The following TEAD1 variants were observed in gnomAD, a reference collection of about 807,000 sequenced individuals.
TEAD1 encodes the protein transcriptional enhancer factor TEF-1.
Under a neutral mutation model 54.9 loss-of-function variants are expected in TEAD1, and 9 were observed. The observed-to-expected ratio is 0.16, with a 90% confidence interval of 0.10 to 0.29. The LOEUF is 0.29. Ranked by LOEUF, TEAD1 falls within the 10% of genes least tolerant of loss-of-function variation. TEAD1 has a pLI of 1.00. For missense variants in TEAD1, 387 were observed against 535.9 expected (o/e 0.72, Z 2.74); for synonymous variants, 200 against 187.8 (o/e 1.07, Z -0.53).
chr11:12,675,082 C>T (rs1182041309), intron 1 of TEAD1, among the ~76,000 whole-genome samples: 1 of 146,534 alleles, frequency 6.8e-6, no homozygotes, highest in Admixed American at 6.8e-5. Context: ...TGGGAGCCCG[C>T]GCGGCAACAG....
chr11:12,901,721 G>A (rs1241423305), intron 9 of TEAD1, among the ~76,000 whole-genome samples: 3 of 152,060 alleles, frequency 2.0e-5, no homozygotes, highest in East Asian at 3.8e-4. Context: ...TAGATATTTC[G>A]GAAAATATAT....
intron 3 of TEAD1, among the ~76,000 whole-genome samples, chr11:12,820,883 G>A (rs1289860548): frequency 6.6e-6 from 1 of 152,160 alleles, no homozygotes; most frequent in Non-Finnish European, 1.5e-5. Context: ...AAAAACCTAG[G>A]ACCCCAGAAA....
At chr11:12,838,184 G>A (rs1012556486) in intron 3 of TEAD1, among the ~76,000 whole-genome samples, 1 of 152,194 alleles carries the variant, frequency 6.6e-6, no homozygotes, top group African/African-American at 2.4e-5. Context: ...TCTGGGTTCT[G>A]TGTTAATACG....
intron 2 of TEAD1, among the ~76,000 whole-genome samples, chr11:12,692,237 C>T (rs1943473062): frequency 6.6e-6 from 1 of 152,130 alleles, no homozygotes; most frequent in Non-Finnish European, 1.5e-5. Context: ...CCCCCCAGTC[C>T]CCCCAGCAAA....
chr11:12,852,921 G>T (rs1414348222), intron 3 of TEAD1, among the ~76,000 whole-genome samples: 1 of 152,202 alleles, frequency 6.6e-6, no homozygotes, highest in African/African-American at 2.4e-5. Context: ...GAATGGTGAA[G>T]CTCATGCTGC....
intron 2 of TEAD1, among the ~76,000 whole-genome samples, chr11:12,758,904 A>C (rs963690849): frequency 1.3e-5 from 2 of 152,180 alleles, no homozygotes; most frequent in African/African-American, 4.8e-5. Flanking sequence ...CTCCAGGGTT[A>C]ATGGTGGAAA....
chr11:12,770,608 T>C (rs1016873485), intron 3 of TEAD1, among the ~76,000 whole-genome samples: 2 of 152,224 alleles, frequency 1.3e-5, no homozygotes, highest in African/African-American at 4.8e-5. Context: ...ATAGGTACTG[T>C]AATTATGCCC....
At chr11:12,900,210 C>T (rs914899224) in intron 9 of TEAD1, among the ~76,000 whole-genome samples, 3 of 151,150 alleles carry the variant, frequency 2.0e-5, no homozygotes, top group Admixed American at 6.6e-5. Flanking sequence ...TACAGGCATG[C>T]ACCACCACAC....
intron 9 of TEAD1, among the ~76,000 whole-genome samples, chr11:12,898,965 G>A (rs924618945): frequency 5.3e-5 from 8 of 152,152 alleles, no homozygotes; most frequent in Non-Finnish European, 8.8e-5. Context: ...CAGGGCCGTG[G>A]TTCCCATTTC....
intron 2 of TEAD1, among the ~76,000 whole-genome samples, chr11:12,728,403 G>A (rs2133875331): frequency 6.6e-6 from 1 of 152,286 alleles, no homozygotes; most frequent in South Asian, 2.1e-4. Flanking sequence ...CTTCAAAGGT[G>A]TAGCACACAG....
In TEAD1 at chr11:12,930,201, C is replaced by T; in HGVS notation, c.1042C>T (p.Arg348Ter). The change falls in exon 12 of 13, where the codon CGA becomes TGA. Residue 348 changes from arginine to a stop codon, truncating the protein, a stop_gained. Transcript: ENST00000527636. LOFTEE classifies it high-confidence loss of function. Reference sequence around the variant, plus strand: ...GGAGTATGCAAGGTTTGAGAATGGCCGATTTGTATACCGAATAAACCGCTC... The same window carrying T: ...GGAGTATGCAAGGTTTGAGAATGGCTGATTTGTATACCGAATAAACCGCTC... 1 of 1,614,062 alleles carries T rather than the reference C, an allele frequency of 6.2e-7. No individual in the cohort carries two copies. The highest frequency in any genetic ancestry group is 8.5e-7 in the Non-Finnish European group (1 of 1,180,012).
rs752255280 is a variant in TEAD1, at chr11:12,843,137, C to T, written c.203-19113C>T. Among the ~76,000 whole-genome samples, 3 of 152,210 alleles carry T rather than the reference C, an allele frequency of 2.0e-5. No individual in the cohort carries two copies. The South Asian group carries it at 6.2e-4, about 32-fold the overall frequency. On this transcript the variant is annotated intron_variant, in intron 3 of 12. Transcript: ENST00000527636. ...CATCATGCCTGGCAGCCTCTATTGTCTCATTGTTGGATTTGAGCCAAGTCA... is the reference window on the plus strand; with the variant it reads ...CATCATGCCTGGCAGCCTCTATTGTTTCATTGTTGGATTTGAGCCAAGTCA...
chr11:12,803,659 G>T (rs1477530984), intron 3 of TEAD1, among the ~76,000 whole-genome samples: 1 of 152,178 alleles, frequency 6.6e-6, no homozygotes, highest in Non-Finnish European at 1.5e-5. Flanking sequence ...CATCTGCAAT[G>T]GGAAGACAGG....
chr11:12,745,309 G>T (rs1235723395), intron 2 of TEAD1, among the ~76,000 whole-genome samples: 1 of 152,212 alleles, frequency 6.6e-6, no homozygotes, highest in Admixed American at 6.5e-5. Flanking sequence ...CACACTAGGA[G>T]TAGCAAGGTG....
At chr11:12,693,874 A>C (rs1453200546) in intron 2 of TEAD1, among the ~76,000 whole-genome samples, 3 of 152,236 alleles carry the variant, frequency 2.0e-5, no homozygotes, top group African/African-American at 7.2e-5. Context: ...CAAAGGCAGG[A>C]AATCCAGGCT....
chr11:12,869,129 TGAG>T (rs1306013578), intron 5 of TEAD1, among the ~76,000 whole-genome samples: 1 of 152,166 alleles, frequency 6.6e-6, no homozygotes, highest in Non-Finnish European at 1.5e-5. Context: ...ATTATCCCAC[TGAG>T]GAGAAGGGAT....
At chr11:12,684,567 A>T (rs1355461485) in intron 2 of TEAD1, among the ~76,000 whole-genome samples, 1 of 152,048 alleles carries the variant, frequency 6.6e-6, no homozygotes, top group East Asian at 1.9e-4. Context: ...CCCTCATTGC[A>T]CCTCTTAATA....
chr11:12,865,067 T>C lies in TEAD1; in HGVS notation c.330+167T>C, dbSNP rs1396209417. The stretch of plus-strand genomic sequence containing the variant: ...TAATCTCTCTGTTTCTGTACTAGCC[T>C]CACATTAAACTCAATGTGTGTGAGC... On this transcript the variant is annotated intron_variant, in intron 5 of 12. Coordinates refer to ENST00000527636, the MANE Select transcript of TEAD1 (RefSeq NM_021961.6). The C allele has an allele frequency of 7.6e-6, 6 of 792,036 alleles. No homozygotes were observed. In the Admixed American group the frequency reaches 1.0e-4, roughly 13 times the overall value. 49.1% of individuals were successfully genotyped at this position (792,036 alleles called of 1,614,324 possible). A position where few individuals can be genotyped will look rare whatever the true frequency, so the allele number is the denominator to read the frequency against.
intron 3 of TEAD1, among the ~76,000 whole-genome samples, chr11:12,847,493 G>A (rs1412500781): frequency 6.7e-6 from 1 of 150,304 alleles, no homozygotes; most frequent in Non-Finnish European, 1.5e-5. Flanking sequence ...GATTTGGTGG[G>A]GTGGGGGTGG....
Sources: allele counts gnomAD v4.1 joint callset (sites outside exome capture counted in the v4.1 genomes callset), GRCh38; gene constraint gnomAD v4.1.1; transcripts MANE v1.5; gene names NCBI Gene and HGNC (gene_info 2026-07-23, HGNC 2026-07-21).